The following DLEU7 variants were observed in gnomAD, a reference collection of about 807,000 sequenced individuals.
The protein encoded by DLEU7 is leukemia-associated protein 7.
Under a neutral mutation model 16.0 loss-of-function variants are expected in DLEU7, and 17 were observed. That is an observed-to-expected ratio of 1.06 (90% CI 0.73 to 1.59). The LOEUF is 1.59. Among genes scored for constraint, DLEU7 ranks in the 40% most tolerant of loss-of-function variants. The pLI, the probability that DLEU7 is intolerant of heterozygous loss-of-function variation, is 0.00. For synonymous variants in DLEU7, 113 were observed against 139.8 expected, an observed-to-expected ratio of 0.81 and a Z score of 1.35; for missense variants, 308 against 314.9, an observed-to-expected ratio of 0.98 and a Z score of 0.17.
At chr13:50,826,667 G>C (rs992099597) in intron 1 of DLEU7, among the ~76,000 whole-genome samples, 3 of 152,162 alleles carry the variant, frequency 2.0e-5, no homozygotes, top group African/African-American at 7.2e-5. Flanking sequence ...ATACAGAGTA[G>C]ATCCAAAACA....
intron 1 of DLEU7, among the ~76,000 whole-genome samples, chr13:50,742,226 A>G (rs1392503846): frequency 6.6e-6 from 1 of 152,102 alleles, no homozygotes; most frequent in Non-Finnish European, 1.5e-5. Context: ...GTGTTTTCCA[A>G]TTTTCTGAAA....
intron 1 of DLEU7, among the ~76,000 whole-genome samples, chr13:50,784,833 C>G (rs925921342): frequency 6.6e-6 from 1 of 152,198 alleles, no homozygotes; most frequent in Non-Finnish European, 1.5e-5. Context: ...TGGAACCTGT[C>G]CTGCAGCTCT....
chr13:50,735,237 G>C (rs1874029491), intron 1 of DLEU7, among the ~76,000 whole-genome samples: 2 of 152,096 alleles, frequency 1.3e-5, no homozygotes, highest in Admixed American at 1.3e-4. Context: ...AACAATGGTA[G>C]AGCAGTTAGA....
intron 1 of DLEU7, among the ~76,000 whole-genome samples, chr13:50,798,594 CTTTGTACTATA>C (rs1385449431): frequency 6.6e-6 from 1 of 152,102 alleles, no homozygotes; most frequent in East Asian, 1.9e-4. Flanking sequence ...CCTGGGGACT[CTTTGTACTATA>C]TTTGGGCTGT....
intron 1 of DLEU7, among the ~76,000 whole-genome samples, chr13:50,774,825 T>G (rs1450072253): frequency 6.6e-6 from 1 of 152,174 alleles, no homozygotes; most frequent in Non-Finnish European, 1.5e-5. Context: ...TGCTATTGGC[T>G]TTCTTCATGG....
chr13:50,804,121 C>T (rs965904467), intron 1 of DLEU7, among the ~76,000 whole-genome samples: 10 of 152,032 alleles, frequency 6.6e-5, no homozygotes, highest in Admixed American at 5.9e-4. Context: ...GTCATCACGT[C>T]CTAAATATTT....
At chr13:50,757,742 A>T (rs78310889) in intron 1 of DLEU7, among the ~76,000 whole-genome samples, 2,632 of 152,278 alleles carry the variant, frequency 0.017, 74 homozygotes, top group African/African-American at 0.06. Context: ...ATAAAATAGG[A>T]ATTTGTTATA....
intron 1 of DLEU7, among the ~76,000 whole-genome samples, chr13:50,787,556 A>C (rs184384916): frequency 6.6e-6 from 1 of 152,100 alleles, no homozygotes; most frequent in African/African-American, 2.4e-5. Flanking sequence ...CCCACTTGCC[A>C]TCCTTGCATC....
rs137945556 is a variant in DLEU7 at position 50,748,923 on chromosome 13, C to T, written c.460-35683G>A. ...TTTTTCCCCATAGGTTATTGGGGTA[C>T]GGGTGGTATTTGGTTACATGAGTAA... is the stretch of plus-strand genomic sequence containing the variant. On this transcript the variant is annotated intron_variant, in intron 1 of 1. Coordinates refer to the DLEU7 transcript ENST00000400393. Among the ~76,000 whole-genome samples the T allele has an allele frequency of 2.1e-3, 317 of 151,952 alleles. 1 individual carries two copies. Among genetic ancestry groups the T allele is most frequent in the African/African-American group, 7.3e-3 (301 of 41,422 alleles).
intron 1 of DLEU7, chr13:50,719,527 T>G (rs1335328268): frequency 1.3e-5 from 2 of 152,232 alleles, no homozygotes; most frequent in Non-Finnish European, 2.9e-5. Flanking sequence ...GCTAAAAGAT[T>G]GAGCTCTGTG....
chr13:50,821,299 T>C (rs757388584), downstream of DLEU7, among the ~76,000 whole-genome samples: 1 of 143,278 alleles, frequency 7.0e-6, no homozygotes, highest in Non-Finnish European at 1.5e-5. Flanking sequence ...AGACTGACCA[T>C]AGAACATAAG....
intron 1 of DLEU7, among the ~76,000 whole-genome samples, chr13:50,762,739 A>G (rs1314521261): frequency 6.6e-6 from 1 of 151,944 alleles, no homozygotes; most frequent in Admixed American, 6.5e-5. Context: ...AACAAAACAA[A>G]AAAACAACAA....
chr13:50,821,022 G>A (rs1876889046), downstream of DLEU7, among the ~76,000 whole-genome samples: 1 of 152,088 alleles, frequency 6.6e-6, no homozygotes, highest in Admixed American at 6.6e-5. Flanking sequence ...GCCACGTGCG[G>A]CCAGTGCTAC....
At chr13:50,837,123 T>C (rs1257386949) in intron 1 of DLEU7, among the ~76,000 whole-genome samples, 5 of 152,148 alleles carry the variant, frequency 3.3e-5, no homozygotes, top group Non-Finnish European at 1.5e-5. Context: ...AAGTCTATCA[T>C]CCACAGGAAA....
Position 50,749,748 on chromosome 13 carries a change from T to C in DLEU7, c.460-36508A>G, listed in dbSNP as rs143628145. On this transcript the variant is annotated intron_variant, in intron 1 of 1. Coordinates refer to the DLEU7 transcript ENST00000400393. ...CCATTTGTATATCTTCTTTTGAGAA[T>C]TGGCTATTCATGTCTTTAGCTCACT... Among the ~76,000 whole-genome samples, 104 of 152,318 alleles carry C rather than the reference T, an allele frequency of 6.8e-4. 1 individual carries two copies. Among genetic ancestry groups the C allele is most frequent in the African/African-American group, 2.3e-3 (96 of 41,580 alleles).
chr13:50,797,065 A>C (rs948257966), intron 1 of DLEU7, among the ~76,000 whole-genome samples: 2 of 152,202 alleles, frequency 1.3e-5, no homozygotes, highest in African/African-American at 4.8e-5. Context: ...TTTGAAACAG[A>C]CTTGATGCAT....
intron 1 of DLEU7, among the ~76,000 whole-genome samples, chr13:50,716,656 C>T (rs1873446956): frequency 6.6e-6 from 1 of 152,194 alleles, no homozygotes; most frequent in Non-Finnish European, 1.5e-5. Flanking sequence ...AACAATGTCT[C>T]CCCTGCCTTG....
intron 1 of DLEU7, chr13:50,808,646 T>C (rs368221385): frequency 2.0e-5 from 3 of 151,938 alleles, no homozygotes; most frequent in African/African-American, 7.2e-5. Context: ...TCTGCTGCTG[T>C]TGAGTAGATG....
intron 1 of DLEU7, chr13:50,715,354 C>T (rs1303715624): frequency 6.6e-6 from 1 of 152,274 alleles, no homozygotes; most frequent in Non-Finnish European, 1.5e-5. Flanking sequence ...AAGCTATTCA[C>T]AGGTTCTGGG....
Sources: gnomAD v4.1 joint callset for allele counts (sites outside exome capture counted in the v4.1 genomes callset) on GRCh38, gnomAD v4.1.1 for gene constraint, MANE v1.5 for transcripts, NCBI Gene and HGNC (gene_info 2026-07-23, HGNC 2026-07-21) for gene names.